Variants in LPP observed in about 807,000 individuals in gnomAD.
LPP encodes the protein lipoma-preferred partner.
In LPP, 38 loss-of-function variants were observed where a neutral mutation model predicts 60.4. The observed-to-expected ratio is 0.63, with a 90% CI of 0.49 to 0.83. The LOEUF is 0.83. LPP is among the 40% of genes least tolerant of loss of function. The probability of loss-of-function intolerance (pLI) is 0.00; values close to 1 mark genes in which losing one functional copy is unlikely to be tolerated. For missense variants in LPP, 902 were observed against 783.6 expected (o/e 1.15, Z -1.80); for synonymous variants, 328 against 290.8 (o/e 1.13, Z -1.30).
At chr3:188,167,339 A>G (rs538595052) in intron 1 of LPP, among the ~76,000 whole-genome samples, 2 of 152,292 alleles carry the variant, frequency 1.3e-5, no homozygotes, top group Admixed American at 1.3e-4. Context: ...CTCTACTAAA[A>G]ATACAAAAAT....
chr3:188,443,213 T>C (rs1233916263), intron 4 of LPP, among the ~76,000 whole-genome samples: 1 of 152,234 alleles, frequency 6.6e-6, no homozygotes, highest in African/African-American at 2.4e-5. Context: ...GGGGCTCTAT[T>C]AAGTGTTCAT....
At chr3:188,263,515 A>T (rs1397379375) in intron 2 of LPP, among the ~76,000 whole-genome samples, 1 of 152,172 alleles carries the variant, frequency 6.6e-6, no homozygotes, top group Non-Finnish European at 1.5e-5. Flanking sequence ...GAGATACAGT[A>T]AGGTAGTTGT....
chr3:188,181,955 T>C (rs1449248265), intron 1 of LPP, among the ~76,000 whole-genome samples: 1 of 152,254 alleles, frequency 6.6e-6, no homozygotes, highest in African/African-American at 2.4e-5. Context: ...CTCATAGTTT[T>C]CTGTTTTAGG....
intron 7 of LPP, among the ~76,000 whole-genome samples, chr3:188,631,524 A>G (rs1243346856): frequency 6.6e-6 from 1 of 152,210 alleles, no homozygotes; most frequent in Non-Finnish European, 1.5e-5. Context: ...CTAAAGAGAA[A>G]GTATCTCCAT....
intron 7 of LPP, among the ~76,000 whole-genome samples, chr3:188,639,782 G>C (rs1849662253): frequency 6.6e-6 from 1 of 152,170 alleles, no homozygotes; most frequent in South Asian, 2.1e-4. Flanking sequence ...CATCATTACT[G>C]GCCATCAGAG....
chr3:188,771,870 G>C lies in LPP; in HGVS notation c.1410+11588G>C, dbSNP rs1453030936. Among the ~76,000 whole-genome samples the C allele has an allele frequency of 2.0e-5, 3 of 152,310 alleles. No individual in the cohort carries two copies. In the East Asian group the frequency reaches 5.8e-4, roughly 29 times the overall value. On this transcript the variant is annotated intron_variant, in intron 9 of 11. Transcript: ENST00000617246. ...CTTGGTTTGAGAACTTGTGGAGTCT[G>C]AGAGATGGCAAGTCATGAGACTAGG...
intron 2 of LPP, among the ~76,000 whole-genome samples, chr3:188,229,851 G>A (rs903388903): frequency 6.6e-6 from 1 of 152,128 alleles, no homozygotes; most frequent in Non-Finnish European, 1.5e-5. Flanking sequence ...GAGTTGCTGT[G>A]TGGTAGACAG....
intron 6 of LPP, among the ~76,000 whole-genome samples, chr3:188,538,385 A>G (rs915539790): frequency 1.3e-5 from 2 of 152,230 alleles, no homozygotes. Flanking sequence ...GAAACAAAGT[A>G]TCTGAATAGA....
At chr3:188,595,110 T>C (rs1839737717) in intron 6 of LPP, among the ~76,000 whole-genome samples, 2 of 152,124 alleles carry the variant, frequency 1.3e-5, no homozygotes, top group African/African-American at 4.8e-5. Context: ...CCCAAAAACG[T>C]CCCTTAGGTA....
intron 6 of LPP, among the ~76,000 whole-genome samples, chr3:188,550,034 T>A (rs1354602905): frequency 6.6e-6 from 1 of 152,118 alleles, no homozygotes; most frequent in Non-Finnish European, 1.5e-5. Context: ...TTTGTATGGG[T>A]CTTAGATAAT....
chr3:188,327,715 A>C (rs1262718547), intron 2 of LPP, among the ~76,000 whole-genome samples: 1 of 152,150 alleles, frequency 6.6e-6, no homozygotes, highest in Non-Finnish European at 1.5e-5. Context: ...GACAGGTAGC[A>C]GCGTCTGAAA....
At chr3:188,347,766 T>G (rs546834851) in intron 3 of LPP, among the ~76,000 whole-genome samples, 162 of 152,110 alleles carry the variant, frequency 1.1e-3, no homozygotes, top group Admixed American at 1.4e-3. Flanking sequence ...TGTGAGTGTG[T>G]GGGGGGGCCA....
rs1476573606 is a variant in LPP at position 188,880,548 on chromosome 3, A to G, written c.*6069A>G. On this transcript the variant is annotated 3_prime_UTR_variant, in exon 12 of 12. Transcript: ENST00000617246. ...GAAACACTGCAGCTAATTCCTTTAT[A>G]ATACTTTCAGATGATTGCATTAAGC... 1.1e-5 allele frequency: 2 copies of G among 188,234 alleles called. No homozygotes were observed. Among genetic ancestry groups the G allele is most frequent in the Non-Finnish European group, 2.2e-5 (2 of 89,368 alleles). The allele number at this position is 188,234 out of a possible 1,614,324, so 11.7% of individuals were successfully genotyped here.
chr3:188,470,281 TACACAC>T (rs59656753), intron 4 of LPP, among the ~76,000 whole-genome samples: 34,513 of 126,630 alleles, frequency 0.27, 3,975 homozygotes, highest in East Asian at 0.36. Flanking sequence ...CTCTCTCTCA[TACACAC>T]ACACACACAC....
intron 2 of LPP, among the ~76,000 whole-genome samples, chr3:188,245,910 C>T (rs1203491060): frequency 2.6e-5 from 4 of 152,234 alleles, no homozygotes; most frequent in Non-Finnish European, 4.4e-5. Flanking sequence ...TTTCATTTGT[C>T]TGTGAATGCT....
At chr3:188,695,508 C>T (rs915668750) in intron 7 of LPP, among the ~76,000 whole-genome samples, 5 of 152,252 alleles carry the variant, frequency 3.3e-5, no homozygotes, top group South Asian at 2.1e-4. Flanking sequence ...AATAATCGTG[C>T]GCCACTGTCA....
intron 2 of LPP, among the ~76,000 whole-genome samples, chr3:188,237,082 T>G (rs1039008297): frequency 3.3e-5 from 5 of 152,212 alleles, no homozygotes; most frequent in Admixed American, 6.5e-5. Context: ...TACTTTTTTT[T>G]TTGTTGTCAT....
chr3:188,406,013 G>T, intron 3 of LPP, 99 bp from the exon 4 acceptor site: 1 of 960,758 alleles, frequency 1.0e-6, no homozygotes, highest in Non-Finnish European at 1.5e-6. Context: ...ACTTTATCAG[G>T]ATGCATTTAG....
chr3:188,667,655 A>C (rs1332569389), intron 7 of LPP, among the ~76,000 whole-genome samples: 1 of 145,174 alleles, frequency 6.9e-6, no homozygotes, highest in Non-Finnish European at 1.5e-5. Flanking sequence ...GGTATTCTCA[A>C]CCTCACCATC....
Sources: gnomAD v4.1 joint callset for allele counts (sites outside exome capture counted in the v4.1 genomes callset) on GRCh38, gnomAD v4.1.1 for gene constraint, MANE v1.5 for transcripts, NCBI Gene and HGNC (gene_info 2026-07-23, HGNC 2026-07-21) for gene names.